Variants in RPS6KB2 observed in about 807,000 individuals in gnomAD.
RPS6KB2 encodes the protein ribosomal protein S6 kinase B2, also known as ribosomal protein S6 kinase beta-2.
Under a neutral mutation model 58.2 loss-of-function variants are expected in RPS6KB2, and 51 were observed. The observed-to-expected ratio is 0.88, with a 90% confidence interval of 0.70 to 1.11. The LOEUF (loss-of-function observed/expected upper bound fraction) is 1.11, where lower values mean the gene tolerates loss of function less well. Among genes scored for constraint, RPS6KB2 ranks in the 50% least tolerant of loss-of-function variants. The pLI is 0.00. For synonymous variants in RPS6KB2, 293 were observed against 258.6 expected, an observed-to-expected ratio of 1.13 and a Z score of -1.28; for missense variants, 671 against 655.8, an observed-to-expected ratio of 1.02 and a Z score of -0.25.
intron 4 of RPS6KB2, chr11:67,430,159 G>A (rs1244583484): frequency 1.3e-5 from 2 of 153,344 alleles, no homozygotes; most frequent in African/African-American, 2.4e-5. Flanking sequence ...AGACTGGAGT[G>A]CAGTAGTGCA....
chr11:67,428,864 T>C, intron 1 of RPS6KB2, 118 bp from the exon 2 acceptor site: 1 of 1,218,484 alleles, frequency 8.2e-7, no homozygotes, highest in Non-Finnish European at 1.2e-6. Context: ...TTCTTACCCA[T>C]CCCCTACTAG....
intron 1 of RPS6KB2, 115 bp from the exon 2 acceptor site, chr11:67,428,867 C>T (rs750463242): frequency 4.8e-6 from 6 of 1,248,730 alleles, no homozygotes; most frequent in Non-Finnish European, 7.0e-6. Flanking sequence ...TTACCCATCC[C>T]CTACTAGCTG....
At position 67,429,000 on chromosome 11, in the gene RPS6KB2, G is replaced by C. The variant is rs546014798; in HGVS notation, c.97G>C (p.Glu33Gln). The stretch of plus-strand genomic sequence containing the variant: ...CTCACAGGACGCATGTCCCCTTGCC[G>C]AGTTGAGGGCAGCTGGCCTAGAGTG... ...LSPADACPLA[E>Q]LRAAGLEPVG... The change falls in exon 2 of 15, where the codon GAG becomes CAG. Residue 33 changes from glutamate (E) to glutamine (Q), a missense_variant. Glu to Gln is a conservative substitution (Grantham distance 29, BLOSUM62 2). Transcript: ENST00000312629. The C allele has an allele frequency of 6.2e-7, 1 of 1,614,036 alleles. No homozygotes were observed. The highest frequency in any genetic ancestry group is 1.7e-5 in the Admixed American group (1 of 60,014).
rs201485693 is a variant in RPS6KB2, at chr11:67,434,989, C to A, written c.1269C>A (p.Ser423Arg). 6.2e-7 allele frequency: 1 copy of A among 1,613,138 alleles called. No individual in the cohort carries two copies. Among genetic ancestry groups the A allele is most frequent in the Non-Finnish European group, 8.5e-7 (1 of 1,179,486 alleles). The change falls in exon 15 of 15, where the codon AGC (serine) becomes AGA (arginine). Residue 423 changes from serine (S) to arginine (R), a missense_variant and splice_region_variant. Ser to Arg is a moderately radical substitution (Grantham distance 110, BLOSUM62 -1). Coordinates refer to ENST00000312629, the MANE Select transcript of RPS6KB2 (RefSeq NM_003952.3). ...TATTCTGCCTTGGTTTCCCCTGCAG[C>A]CCCCTCAAGTTCTCCCCTTTTGAGG... ...RLNSSPRAPV[S>R]PLKFSPFEGF...
rs1864112252 is a variant in RPS6KB2 at position 67,433,370 on chromosome 11, A to AC, written c.831dup (p.Met278HisfsTer3). On this transcript the variant is annotated frameshift_variant, in exon 10 of 15. Transcript: ENST00000312629. LOFTEE classifies it high-confidence loss of function. ...CTTCACCGCAGAGAACCGGAAGAAAACCATGGATAAGATCATCAGGGGCAA... is the reference window on the plus strand; with the variant it reads ...CTTCACCGCAGAGAACCGGAAGAAAACCCATGGATAAGATCATCAGGGGCAA... 7 of 1,613,802 alleles carry AC rather than the reference A, an allele frequency of 4.3e-6. No homozygotes were observed. The highest frequency in any genetic ancestry group is 5.9e-6 in the Non-Finnish European group (7 of 1,179,920).
rs758095058 is a variant in RPS6KB2 at position 67,429,589 on chromosome 11, A to G, written c.303A>G (p.Leu101=). 5 of 1,611,356 alleles carry G rather than the reference A, an allele frequency of 3.1e-6. No homozygotes were observed. The South Asian group carries it at 5.5e-5, about 18-fold the overall frequency. Residue 101 remains leucine, a synonymous_variant, in exon 4 of 15, where the codon CTA becomes CTG. Coordinates refer to ENST00000312629, the MANE Select transcript of RPS6KB2 (RefSeq NM_003952.3). ...GCAAAATATATGCCATGAAAGTCCT[A>G]AGGAAGGTGAGTCACTCGTTCAGCC... ...NLGKIYAMKV[L]RKAKIVRNAK...
chr11:67,433,918 A>G (rs1192115407), intron 10 of RPS6KB2, 77 bp from the exon 11 acceptor site: 1 of 1,512,134 alleles, frequency 6.6e-7, no homozygotes, highest in East Asian at 2.3e-5. Context: ...CCTGACCCCT[A>G]CTCCAGCTAG....
In RPS6KB2 at chr11:67,432,648, A is replaced by G; in HGVS notation, c.506A>G (p.Asp169Gly). The change falls in exon 6 of 15, where the codon GAT becomes GGT. Residue 169 changes from aspartate to glycine, a missense_variant. Physicochemically the swap from Asp to Gly is moderately conservative, Grantham distance 94. Coordinates refer to ENST00000312629, the MANE Select transcript of RPS6KB2 (RefSeq NM_003952.3). ...HLEREGIFLE[D>G]TACFYLAEIT... ...GAGCGAGAGGGCATCTTCCTGGAAG[A>G]TACGGCCTGGTGGGTGTTAATCCTC... 6.2e-7 allele frequency: 1 copy of G among 1,614,178 alleles called. No homozygotes were observed. The highest frequency in any genetic ancestry group is 8.5e-7 in the Non-Finnish European group (1 of 1,180,026).
At chr11:67,434,101 G>A in intron 11 of RPS6KB2, 44 bp downstream of exon 11, 3 of 1,613,230 alleles carry the variant, frequency 1.9e-6, no homozygotes, top group Non-Finnish European at 2.5e-6. Flanking sequence ...AGTCTCCAAG[G>A]GTGCCGGGAA....
At chr11:67,433,280 G>A (rs1237655481) in intron 9 of RPS6KB2, 60 bp from the exon 10 acceptor site, 1 of 1,605,392 alleles carries the variant, frequency 6.2e-7, no homozygotes, top group East Asian at 2.2e-5. Flanking sequence ...CCCCTCCTGG[G>A]GCAAGGGCAG....
rs931217152 is a variant in RPS6KB2 at position 67,434,228 on chromosome 11, G to A, written c.1000G>A (p.Asp334Asn). Residue 334 changes from aspartate (D) to asparagine (N), a missense_variant, in exon 12 of 15, where the codon GAC becomes AAC. Asp to Asn is a conservative substitution (Grantham distance 23, BLOSUM62 1). Transcript: ENST00000312629. ...RHPFFRHMNW[D>N]DLLAWRVDPP... Reference sequence around the variant, plus strand: ...TCCCTTTTTCCGGCACATGAATTGGGACGACCTTCTGGCCTGGCGTGTGGA... The same window carrying A: ...TCCCTTTTTCCGGCACATGAATTGGAACGACCTTCTGGCCTGGCGTGTGGA... The A allele has an allele frequency of 2.5e-6, 4 of 1,613,870 alleles. No homozygotes were observed. The highest frequency in any genetic ancestry group is 1.3e-5 in the African/African-American group (1 of 74,938).
At chr11:67,432,477 C>A in intron 5 of RPS6KB2, 123 bp from the exon 6 acceptor site, 1 of 1,002,016 alleles carries the variant, frequency 1.0e-6, no homozygotes, top group Non-Finnish European at 1.6e-6. Context: ...ATCCCCACGG[C>A]AGCTCTGTGA....
chr11:67,435,335 C>T lies in RPS6KB2; in HGVS notation c.*166C>T. 7.0e-6 allele frequency: 5 copies of T among 713,522 alleles called. No individual in the cohort carries two copies. In the South Asian group the frequency reaches 9.7e-5, roughly 14 times the overall value. 44.2% of individuals were successfully genotyped at this position (713,522 alleles called of 1,614,324 possible). Reference sequence around the variant, plus strand: ...GGCAGCTGTGCCCCTGAATCATGGGCACGGAGGGCCGCCCGCCACGCCCCG... The same window carrying T: ...GGCAGCTGTGCCCCTGAATCATGGGTACGGAGGGCCGCCCGCCACGCCCCG... On this transcript the variant is annotated 3_prime_UTR_variant, in exon 15 of 15. Transcript: ENST00000312629.
Position 67,432,952 on chromosome 11 carries a change from G to T in RPS6KB2, c.617G>T (p.Gly206Val). Residue 206 changes from glycine (G) to valine (V), a missense_variant and splice_region_variant, in exon 8 of 15, where the codon GGC becomes GTC. Transcript: ENST00000312629. ...KPENIMLSSQ[G>V]HIKLTDFGLC... ...ACGCCTCTCCAACACCCTTCCTCAG[G>T]CCACATCAAACTGACCGACTTTGGA... 6.2e-7 allele frequency: 1 copy of T among 1,613,258 alleles called. No individual in the cohort carries two copies. Among genetic ancestry groups the T allele is most frequent in the Non-Finnish European group, 8.5e-7 (1 of 1,179,996 alleles).
chr11:67,429,512 T>C lies in RPS6KB2; in HGVS notation c.241-15T>C. 2 of 1,611,052 alleles carry C rather than the reference T, an allele frequency of 1.2e-6. No homozygotes were observed. The highest frequency in any genetic ancestry group is 1.7e-6 in the Non-Finnish European group (2 of 1,178,558). ...TGTGGAGAGGGAAGTTGATCCTGTCTCCCCTGCCCTACAGGTGTTCCAGGT... is the reference window on the plus strand; with the variant it reads ...TGTGGAGAGGGAAGTTGATCCTGTCCCCCCTGCCCTACAGGTGTTCCAGGT... On this transcript the variant is annotated splice_polypyrimidine_tract_variant and intron_variant, in intron 3 of 14. Transcript: ENST00000312629.
At chr11:67,431,897 T>C in intron 5 of RPS6KB2, 1 of 278,576 alleles carries the variant, frequency 3.6e-6, no homozygotes, top group Non-Finnish European at 7.0e-6. Context: ...CCTCCATCCG[T>C]CCACTCTCAG....
At chr11:67,430,829 G>A (rs1478604779) in intron 4 of RPS6KB2, 2 of 152,740 alleles carry the variant, frequency 1.3e-5, no homozygotes, top group Non-Finnish European at 2.9e-5. Context: ...CGATGCGCAG[G>A]GCAGCCTCCC....
chr11:67,428,742 T>C, intron 1 of RPS6KB2, 119 bp downstream of exon 1: 5 of 1,013,298 alleles, frequency 4.9e-6, no homozygotes, highest in Non-Finnish European at 5.9e-6. Context: ...CCCAGATCCT[T>C]CTCAGATCCC....
intron 5 of RPS6KB2, chr11:67,432,221 T>G: frequency 2.1e-6 from 1 of 466,732 alleles, no homozygotes; most frequent in South Asian, 1.6e-5. Context: ...AAACCGCGCT[T>G]TCTCTGTTCT....
Sources: allele counts gnomAD v4.1 joint callset, GRCh38; gene constraint gnomAD v4.1.1; transcripts MANE v1.5; gene names NCBI Gene and HGNC (gene_info 2026-07-23, HGNC 2026-07-21).